The following TAX1BP1 variants were observed in gnomAD, a reference collection of about 807,000 sequenced individuals.
TAX1BP1 encodes the protein Tax1 binding protein 1.
TAX1BP1 carries 62 observed loss-of-function variants against 97.7 expected under a neutral mutation model. The observed-to-expected ratio is 0.63, with a 90% confidence interval of 0.52 to 0.78. The LOEUF is 0.78. TAX1BP1 is among the 30% of genes least tolerant of loss of function. The probability of loss-of-function intolerance (pLI) is 0.00; values close to 1 mark genes in which losing one functional copy is unlikely to be tolerated. For missense variants in TAX1BP1, 867 were observed against 916.1 expected, an observed-to-expected ratio of 0.95 and a Z score of 0.69; for synonymous variants, 340 against 304.2, an observed-to-expected ratio of 1.12 and a Z score of -1.23.
chr7:27,759,700 T>C (rs1350910738), intron 3 of TAX1BP1, among the ~76,000 whole-genome samples: 1 of 152,182 alleles, frequency 6.6e-6, no homozygotes, highest in African/African-American at 2.4e-5. Context: ...TGGGCTCTGT[T>C]AAGAATGTTC....
At chr7:27,767,238 A>G (rs1788680086) in intron 4 of TAX1BP1, among the ~76,000 whole-genome samples, 1 of 152,144 alleles carries the variant, frequency 6.6e-6, no homozygotes, top group Non-Finnish European at 1.5e-5. Context: ...GGTTCAGTAT[A>G]CATTTTTGGC....
chr7:27,793,058 C>T lies in TAX1BP1; in HGVS notation c.1264-8C>T, dbSNP rs765927411. 8.1e-5 allele frequency: 128 copies of T among 1,573,314 alleles called. No homozygotes were observed. Among genetic ancestry groups the T allele is most frequent in the Non-Finnish European group, 1.0e-4 (121 of 1,169,658 alleles). ...TATTTTTTTCTTCAAATGTTTGTTTCTTTCTAGGACAAGACTGATACACTG... is the reference window on the plus strand; with the variant it reads ...TATTTTTTTCTTCAAATGTTTGTTTTTTTCTAGGACAAGACTGATACACTG... On this transcript the variant is annotated splice_polypyrimidine_tract_variant and splice_region_variant and intron_variant, in intron 9 of 16. Transcript: ENST00000396319.
chr7:27,790,080 T>C (rs1343548291), intron 8 of TAX1BP1, among the ~76,000 whole-genome samples: 3 of 152,014 alleles, frequency 2.0e-5, no homozygotes, highest in African/African-American at 7.2e-5. Context: ...AATGTAATCC[T>C]CATCCCTTCT....
At chr7:27,811,442 T>C (rs1790556843) in intron 13 of TAX1BP1, among the ~76,000 whole-genome samples, 1 of 152,212 alleles carries the variant, frequency 6.6e-6, no homozygotes. Context: ...GTCCATTTAT[T>C]GGATCATTTA....
intron 8 of TAX1BP1, among the ~76,000 whole-genome samples, chr7:27,791,428 G>A (rs951715914): frequency 6.6e-6 from 1 of 152,110 alleles, no homozygotes; most frequent in Non-Finnish European, 1.5e-5. Flanking sequence ...GGTTTGTCAA[G>A]CAGTATGAAT....
At chr7:27,805,441 T>C (rs1045755483) in intron 13 of TAX1BP1, among the ~76,000 whole-genome samples, 1 of 117,198 alleles carries the variant, frequency 8.5e-6, no homozygotes, top group Non-Finnish European at 1.9e-5. Context: ...CTATGCTCAC[T>C]ATACTTACTT....
intron 2 of TAX1BP1, among the ~76,000 whole-genome samples, chr7:27,755,725 A>G (rs944286672): frequency 2.0e-5 from 3 of 152,216 alleles, no homozygotes; most frequent in African/African-American, 7.2e-5. Context: ...TCTTCAAACT[A>G]AAGTATGTGA....
intron 13 of TAX1BP1, among the ~76,000 whole-genome samples, chr7:27,815,347 C>T (rs962117327): frequency 1.3e-5 from 2 of 152,054 alleles, no homozygotes; most frequent in African/African-American, 4.8e-5. Flanking sequence ...TCATGAATGA[C>T]TTGAATTTTG....
intron 13 of TAX1BP1, among the ~76,000 whole-genome samples, chr7:27,805,991 T>C (rs377457687): frequency 1.1e-3 from 175 of 152,274 alleles, no homozygotes; most frequent in African/African-American, 4.0e-3. Context: ...TACTGATGTG[T>C]TGCATTTGAA....
intron 15 of TAX1BP1, among the ~76,000 whole-genome samples, chr7:27,820,150 C>G (rs1790920202): frequency 6.6e-6 from 1 of 152,202 alleles, no homozygotes; most frequent in Non-Finnish European, 1.5e-5. Context: ...ATTATCTCTT[C>G]CCTTAATTCA....
intron 9 of TAX1BP1, 140 bp from the exon 10 acceptor site, chr7:27,792,926 T>G (rs1174241104): frequency 1.5e-6 from 1 of 685,270 alleles, no homozygotes; most frequent in East Asian, 3.3e-5. Context: ...TGGGCCACTG[T>G]GTTTCAGCCT....
chr7:27,813,144 GC>G (rs1790622951), intron 13 of TAX1BP1, among the ~76,000 whole-genome samples: 1 of 105,664 alleles, frequency 9.5e-6, no homozygotes, highest in East Asian at 2.6e-4. Context: ...ACTTTGTTCT[GC>G]TTTTTTTTTT....
intron 5 of TAX1BP1, among the ~76,000 whole-genome samples, chr7:27,775,114 C>T (rs1397972652): frequency 6.6e-6 from 1 of 152,040 alleles, no homozygotes; most frequent in East Asian, 1.9e-4. Flanking sequence ...TATCTTGCTT[C>T]ATTGAGCCTG....
At chr7:27,821,344 T>G (rs1381822093) in intron 15 of TAX1BP1, among the ~76,000 whole-genome samples, 2 of 152,160 alleles carry the variant, frequency 1.3e-5, no homozygotes, top group African/African-American at 4.8e-5. Flanking sequence ...GAAAAGTAAT[T>G]GTTGGGCTGG....
At position 27,787,480 on chromosome 7, in the gene TAX1BP1, A is replaced by C; in HGVS notation, c.915A>C (p.Lys305Asn). 1 of 1,613,660 alleles carries C rather than the reference A, an allele frequency of 6.2e-7. No homozygotes were observed. Among genetic ancestry groups the C allele is most frequent in the Non-Finnish European group, 8.5e-7 (1 of 1,179,728 alleles). The stretch of plus-strand genomic sequence containing the variant: ...TTATGTCAGAGGTCCAGACTTTAAA[A>C]AATTTAGATGGGAACAAAGAAAGCG... ...TKLMSEVQTL[K>N]NLDGNKESVI... Residue 305 changes from lysine (K) to asparagine (N), a missense_variant, in exon 8 of 17, where the codon AAA becomes AAC. By Grantham distance (94) the Lys-to-Asn change is moderately conservative. Transcript: ENST00000396319.
At chr7:27,747,965 T>A (rs1787886601) in intron 1 of TAX1BP1, among the ~76,000 whole-genome samples, 1 of 151,926 alleles carries the variant, frequency 6.6e-6, no homozygotes, top group Non-Finnish European at 1.5e-5. Context: ...GGCACAGAGA[T>A]GTTAGCGTCA....
chr7:27,767,595 G>T (rs1788691174), intron 4 of TAX1BP1, among the ~76,000 whole-genome samples: 1 of 152,032 alleles, frequency 6.6e-6, no homozygotes, highest in Admixed American at 6.5e-5. Context: ...GTATTTGAAT[G>T]CCAGTCAAAG....
At chr7:27,817,447 C>G (rs1455812515) in intron 15 of TAX1BP1, among the ~76,000 whole-genome samples, 1 of 152,126 alleles carries the variant, frequency 6.6e-6, no homozygotes. Flanking sequence ...TTCTTTATAG[C>G]ATTTATATCC....
intron 1 of TAX1BP1, among the ~76,000 whole-genome samples, chr7:27,743,364 A>G (rs1032790881): frequency 6.6e-6 from 1 of 152,146 alleles, no homozygotes; most frequent in Non-Finnish European, 1.5e-5. Context: ...AATGCTGGAC[A>G]TTTTTTCCTT....
Sources: allele counts gnomAD v4.1 joint callset (sites outside exome capture counted in the v4.1 genomes callset), GRCh38; gene constraint gnomAD v4.1.1; transcripts MANE v1.5; gene names NCBI Gene and HGNC (gene_info 2026-07-23, HGNC 2026-07-21).